Variants in HAL observed in about 807,000 individuals in gnomAD.
The protein encoded by HAL is histidase.
A neutral mutation model predicts 81.1 loss-of-function variants in HAL; 85 were observed. The observed-to-expected ratio is 1.05, with a 90% CI of 0.88 to 1.25. The LOEUF (loss-of-function observed/expected upper bound fraction) is 1.25, where lower values mean the gene tolerates loss of function less well. Among genes scored for constraint, HAL ranks in the 50% most tolerant of loss-of-function variants. The probability of loss-of-function intolerance (pLI) is 0.00; values close to 1 mark genes in which losing one functional copy is unlikely to be tolerated. For missense variants in HAL, 798 were observed against 836.6 expected (o/e 0.95, Z 0.57); for synonymous variants, 301 against 309.2 (o/e 0.97, Z 0.28).
Position 95,995,979 on chromosome 12 carries a change from G to T in HAL, c.-69C>A. The T allele has an allele frequency of 2.6e-6, 4 of 1,530,080 alleles. No homozygotes were observed. The highest frequency in any genetic ancestry group is 3.6e-6 in the Non-Finnish European group (4 of 1,121,400). The allele number at this position is 1,530,080 out of a possible 1,614,324, so 94.8% of individuals were successfully genotyped here. On this transcript the variant is annotated 5_prime_UTR_variant, in exon 2 of 21. Transcript: ENST00000261208. ...AGAGCTTTATGCAGGAGTGGCTACC[G>T]GGGTGTGGTCAGCTGGAAGGATGAG...
Position 95,980,657 on chromosome 12 carries a change from C to T in HAL, c.1418G>A (p.Arg473Gln), listed in dbSNP as rs764921636. The change falls in exon 17 of 21, where the codon CGG becomes CAG. Residue 473 changes from arginine (R) to glutamine (Q), a missense_variant. Physicochemically the swap from Arg to Gln is conservative, Grantham distance 43. Coordinates refer to ENST00000261208, the MANE Select transcript of HAL (RefSeq NM_002108.4). ...LAAISERRIE[R>Q]LCNPSLSELP... Reference sequence around the variant, plus strand: ...CTCACTGAGGGAGGGATTGCAGAGCCGCTCGATTCTTCTCTCACTGATTGC... The same window carrying T: ...CTCACTGAGGGAGGGATTGCAGAGCTGCTCGATTCTTCTCTCACTGATTGC... 112 of 1,613,804 alleles carry T rather than the reference C, an allele frequency of 6.9e-5. No homozygotes were observed. Among genetic ancestry groups the T allele is most frequent in the Non-Finnish European group, 9.1e-5 (107 of 1,179,816 alleles).
In HAL at chr12:95,986,158, T is replaced by C. The variant is rs1949885218; in HGVS notation, c.1054A>G (p.Ile352Val). 1.9e-6 allele frequency: 3 copies of C among 1,559,536 alleles called. No individual in the cohort carries two copies. The highest frequency in any genetic ancestry group is 2.7e-6 in the Non-Finnish European group (3 of 1,130,252). The change falls in exon 13 of 21, where the codon ATT (isoleucine) becomes GTT (valine). Residue 352 changes from isoleucine to valine, a missense_variant and splice_region_variant. By Grantham distance (29) the Ile-to-Val change is conservative (BLOSUM62 3). Coordinates refer to ENST00000261208, the MANE Select transcript of HAL (RefSeq NM_002108.4). ...KGTTKAFDTDIHALRPHRGQI... is the reference protein window; with the variant it reads ...KGTTKAFDTDVHALRPHRGQI... The stretch of plus-strand genomic sequence containing the variant: ...CCACGGTGAGGTCGAAGAGCATGAA[T>C]GTCTAGAATTGATGAAGGAGAAAAA...
At position 95,983,935 on chromosome 12, in the gene HAL, T is replaced by C. The variant is rs758419444; in HGVS notation, c.1263A>G (p.Glu421=). 12 of 1,572,196 alleles carry C rather than the reference T, an allele frequency of 7.6e-6. No homozygotes were observed. The East Asian group carries it at 2.2e-4, about 29-fold the overall frequency. ...CAGGATTATCTGTTGCGCTGTTCAG[T>C]TCTGTGGTAATGATGTTCTTCACAA... The part of the protein sequence containing the change: ...IAFVKNIITT[E]LNSATDNPMV... Residue 421 remains glutamate (E), a synonymous_variant, in exon 15 of 21, where the codon GAA becomes GAG. Transcript: ENST00000261208.
intron 15 of HAL, among the ~76,000 whole-genome samples, chr12:95,981,820 G>A (rs2080798540): frequency 6.6e-6 from 1 of 152,240 alleles, no homozygotes; most frequent in Non-Finnish European, 1.5e-5. Context: ...GGAAAAGGCA[G>A]TAACAGATCC....
chr12:95,981,616 C>T (rs576899516), intron 15 of HAL, among the ~76,000 whole-genome samples: 1 of 152,328 alleles, frequency 6.6e-6, no homozygotes, highest in South Asian at 2.1e-4. Flanking sequence ...TGCACCATCA[C>T]ACCCAGTTAA....
At position 95,973,440 on chromosome 12, in the gene HAL, T is replaced by C. The variant is rs1592832132; in HGVS notation, c.*792A>G. 2 of 152,284 alleles carry C rather than the reference T, an allele frequency of 1.3e-5. No homozygotes were observed. The allele number at this position is 152,284 out of a possible 1,614,324, so 9.4% of individuals were successfully genotyped here. The stretch of plus-strand genomic sequence containing the variant: ...TTCCTTATCTGTGAAATGAGGAAGG[T>C]TACAATAAGAATGTGAATAGAGTAC... On this transcript the variant is annotated 3_prime_UTR_variant, in exon 21 of 21. Coordinates refer to ENST00000261208, the MANE Select transcript of HAL (RefSeq NM_002108.4).
intron 20 of HAL, among the ~76,000 whole-genome samples, chr12:95,975,600 G>A (rs916156105): frequency 6.6e-6 from 1 of 152,136 alleles, no homozygotes; most frequent in African/African-American, 2.4e-5. Flanking sequence ...TGACAGCCAA[G>A]GAGCCTTTCC....
At chr12:95,983,085 CAAAT>C (rs1555238738) in intron 15 of HAL, among the ~76,000 whole-genome samples, 1 of 152,098 alleles carries the variant, frequency 6.6e-6, no homozygotes, top group Non-Finnish European at 1.5e-5. Context: ...GTGCGCATGA[CAAAT>C]AAAAACTCAT....
At chr12:95,977,705 G>T (rs932200790) in intron 18 of HAL, among the ~76,000 whole-genome samples, 3 of 151,382 alleles carry the variant, frequency 2.0e-5, no homozygotes, top group Non-Finnish European at 4.4e-5. Flanking sequence ...GTTCTGCATG[G>T]TTCCTTGGTT....
chr12:95,978,370 C>T (rs2080749999), intron 17 of HAL, among the ~76,000 whole-genome samples: 1 of 152,004 alleles, frequency 6.6e-6, no homozygotes, highest in African/African-American at 2.4e-5. Context: ...ATATAGCATG[C>T]CAGGGAGACT....
intron 15 of HAL, among the ~76,000 whole-genome samples, chr12:95,983,085 C>G (rs986770617): frequency 4.2e-4 from 64 of 152,098 alleles, no homozygotes; most frequent in African/African-American, 1.4e-3. Flanking sequence ...GTGCGCATGA[C>G]AAATAAAAAC....
rs1222099387 is a variant in HAL at position 95,994,810 on chromosome 12, C to G, written c.324G>C (p.Arg108=). The G allele has an allele frequency of 2.5e-6, 4 of 1,614,056 alleles. No individual in the cohort carries two copies. The highest frequency in any genetic ancestry group is 1.1e-5 in the South Asian group (1 of 91,086). ...PEGVYLYSKY[R]EPEKYIELDG... ...GTTTGAAGCTTACCTTTTCAGGCTC[C>G]CGGTACTTGCTGTATCTGTATCCAG... The change falls in exon 4 of 21, where the codon CGG becomes CGC. Residue 108 remains arginine, a synonymous_variant. Coordinates refer to ENST00000261208, the MANE Select transcript of HAL (RefSeq NM_002108.4).
intron 10 of HAL, chr12:95,989,828 C>T (rs1051746370): frequency 5.9e-6 from 1 of 170,316 alleles, no homozygotes; most frequent in Admixed American, 5.4e-5. Context: ...GGGCCCTCTA[C>T]CCCTTTCACT....
At chr12:95,979,911 G>A (rs930908874) in intron 17 of HAL, among the ~76,000 whole-genome samples, 2 of 152,152 alleles carry the variant, frequency 1.3e-5, no homozygotes, top group Non-Finnish European at 2.9e-5. Flanking sequence ...ACTTACCTCA[G>A]GTGACAATTG....
At chr12:95,990,237 C>CT in intron 10 of HAL, 156 bp downstream of exon 10, 1 of 730,690 alleles carries the variant, frequency 1.4e-6, no homozygotes, top group East Asian at 2.6e-5. Context: ...CTTGCCTAGT[C>CT]TGACTTCTAA....
intron 15 of HAL, among the ~76,000 whole-genome samples, chr12:95,982,065 C>T (rs2080801387): frequency 6.6e-6 from 1 of 152,192 alleles, no homozygotes; most frequent in South Asian, 2.1e-4. Flanking sequence ...ATCCCTATAG[C>T]AATGGAATTC....
In HAL at chr12:95,978,008, G is replaced by A. The variant is rs777319535; in HGVS notation, c.1590C>T (p.Asp530=). The change falls in exon 18 of 21, where the codon GAC becomes GAT. Residue 530 remains aspartate (D), a synonymous_variant. Transcript: ENST00000261208. ...DSLSTSAATE[D]HVSMGGWAAR... ...CTGCCCATCCTCCCATGGAGACGTG[G>A]TCCTCCGTGGCTGCGCTGGTGGAGA... The A allele has an allele frequency of 1.1e-5, 18 of 1,612,646 alleles. No individual in the cohort carries two copies. The South Asian group carries it at 1.4e-4, about 13-fold the overall frequency.
chr12:95,979,717 CA>C (rs1227904081), intron 17 of HAL, among the ~76,000 whole-genome samples: 4 of 152,192 alleles, frequency 2.6e-5, no homozygotes, highest in African/African-American at 9.6e-5. Flanking sequence ...TTAAATTTGA[CA>C]ACCCTATTTT....
At position 95,990,470 on chromosome 12, in the gene HAL, G is replaced by T; in HGVS notation, c.778C>A (p.Leu260Ile). Residue 260 changes from leucine (L) to isoleucine (I), a missense_variant, in exon 10 of 21, where the codon CTC becomes ATC. Coordinates refer to ENST00000261208, the MANE Select transcript of HAL (RefSeq NM_002108.4). ...TVGASGDLAP[L>I]SHLALGLVGE... is the part of the protein sequence containing the mutation. The stretch of plus-strand genomic sequence containing the variant: ...ACTAGCCCAAGAGCAAGATGAGAGA[G>T]TGGGGCAAGGTCTCCACTGGCACCA... The T allele has an allele frequency of 6.2e-7, 1 of 1,612,092 alleles. No homozygotes were observed. The highest frequency in any genetic ancestry group is 8.5e-7 in the Non-Finnish European group (1 of 1,178,128).
Sources: gnomAD v4.1 joint callset for allele counts (sites outside exome capture counted in the v4.1 genomes callset) on GRCh38, gnomAD v4.1.1 for gene constraint, MANE v1.5 for transcripts, NCBI Gene and HGNC (gene_info 2026-07-23, HGNC 2026-07-21) for gene names.